The following PARM1 variants were observed in gnomAD, a reference collection of about 807,000 sequenced individuals.
The protein encoded by PARM1 is prostate androgen-regulated mucin-like protein 1.
A neutral mutation model predicts 24.6 loss-of-function variants in PARM1; 14 were observed. The observed-to-expected ratio is 0.57, with a 90% CI of 0.38 to 0.89. The LOEUF is 0.89. Among genes scored for constraint, PARM1 ranks in the 40% least tolerant of loss-of-function variants. The pLI is 0.00. For missense variants in PARM1, 362 were observed against 380.4 expected, an observed-to-expected ratio of 0.95 and a Z score of 0.40; for synonymous variants, 179 against 156.6, an observed-to-expected ratio of 1.14 and a Z score of -1.07.
chr4:74,969,988 T>C (rs1173860538), intron 1 of PARM1: 1 of 152,214 alleles, frequency 6.6e-6, no homozygotes, highest in Non-Finnish European at 1.5e-5. Context: ...ATTGTCTAAG[T>C]CACTGGCAGA....
In PARM1 at chr4:75,033,903, G is replaced by A. The variant is rs34923973; in HGVS notation, c.790G>A (p.Val264Met). ...CACAGGCAGCATCGCCGCCATTACCGTGACAGTCATTGCCGTGGTGCTGCT... is the reference window on the plus strand; with the variant it reads ...CACAGGCAGCATCGCCGCCATTACCATGACAGTCATTGCCGTGGTGCTGCT... ...LSSGSIAAIT[V>M]TVIAVVLLVF... The change falls in exon 3 of 4, where the codon GTG becomes ATG. Residue 264 changes from valine (V) to methionine (M), a missense_variant. Coordinates refer to ENST00000307428, the MANE Select transcript of PARM1 (RefSeq NM_015393.4). The A allele has an allele frequency of 7.5e-6, 12 of 1,603,486 alleles. No individual in the cohort carries two copies. Among genetic ancestry groups the A allele is most frequent in the East Asian group, 4.5e-5 (2 of 44,594 alleles).
In PARM1 at chr4:75,024,979, G is replaced by A. The variant is rs964358516; in HGVS notation, c.770-8904G>A. ...CAAAGTGCCGGGATTACAGGCGTAA[G>A]CCACTGTTCCCAGCCCCTTTAGTAG... On this transcript the variant is annotated intron_variant, in intron 2 of 3. Transcript: ENST00000307428. 7.2e-4 allele frequency among the ~76,000 whole-genome samples: 110 copies of A among 152,228 alleles called. 2 individuals are homozygous for A. The highest frequency in any genetic ancestry group is 3.9e-4 in the Admixed American group (6 of 15,286).
chr4:75,022,945 C>T (rs1723116092), intron 2 of PARM1, among the ~76,000 whole-genome samples: 1 of 152,042 alleles, frequency 6.6e-6, no homozygotes, highest in South Asian at 2.1e-4. Flanking sequence ...TGCTTTGTTC[C>T]CCCTCAGGTC....
intron 1 of PARM1, among the ~76,000 whole-genome samples, chr4:74,936,468 T>G (rs1390901818): frequency 6.6e-6 from 1 of 150,916 alleles, no homozygotes; most frequent in Non-Finnish European, 1.5e-5. Context: ...TTTGTTTTTT[T>G]TTTGAGATGG....
chr4:74,977,142 T>G (rs1367677789), intron 1 of PARM1, among the ~76,000 whole-genome samples: 1 of 152,156 alleles, frequency 6.6e-6, no homozygotes, highest in African/African-American at 2.4e-5. Context: ...CTTCAGAAGG[T>G]GGGTAATAAC....
At chr4:74,937,033 T>TC (rs1243213636) in intron 1 of PARM1, among the ~76,000 whole-genome samples, 1 of 152,154 alleles carries the variant, frequency 6.6e-6, no homozygotes, top group Non-Finnish European at 1.5e-5. Flanking sequence ...AGAGCTAGAT[T>TC]CCCAGTCTGC....
chr4:75,025,302 T>C (rs1011607683), intron 2 of PARM1, among the ~76,000 whole-genome samples: 29 of 152,328 alleles, frequency 1.9e-4, no homozygotes, highest in African/African-American at 6.0e-4. Context: ...AGGGGATTGA[T>C]CCCAGACACT....
In PARM1 at chr4:75,012,711, G is replaced by A. The variant is rs200853676; in HGVS notation, c.330G>A (p.Ser110=). The change falls in exon 2 of 4, where the codon TCG becomes TCA. Residue 110 remains serine, a synonymous_variant. Coordinates refer to ENST00000307428, the MANE Select transcript of PARM1 (RefSeq NM_015393.4). ...TNTDPSPSGF[S]STSGGVHLTT... ...CAGACCCCTCACCTTCTGGGTTCTC[G>A]TCAACAAGCGGTGGAGTCCACTTAA... 2.2e-4 allele frequency: 357 copies of A among 1,613,938 alleles called. 3 individuals are homozygous for A. The African/African-American group carries it at 4.3e-3, about 19-fold the overall frequency.
intron 1 of PARM1, among the ~76,000 whole-genome samples, chr4:74,989,265 A>T (rs1352489984): frequency 2.6e-5 from 4 of 152,122 alleles, no homozygotes; most frequent in Admixed American, 2.0e-4. Context: ...GACTGCCCCT[A>T]CTTCAGACAG....
At chr4:74,942,502 G>T (rs1457480563) in intron 1 of PARM1, among the ~76,000 whole-genome samples, 1 of 152,180 alleles carries the variant, frequency 6.6e-6, no homozygotes, top group African/African-American at 2.4e-5. Flanking sequence ...TTCCCCTAGG[G>T]GGCTTATCTA....
intron 1 of PARM1, among the ~76,000 whole-genome samples, chr4:74,983,310 TAACTC>T (rs1420907484): frequency 2.6e-5 from 4 of 152,316 alleles, no homozygotes; most frequent in Admixed American, 2.0e-4. Flanking sequence ...TCTGAAATCT[TAACTC>T]ATAACTATTT....
intron 2 of PARM1, among the ~76,000 whole-genome samples, chr4:75,014,106 C>T (rs939857744): frequency 3.9e-5 from 6 of 152,156 alleles, no homozygotes; most frequent in African/African-American, 1.4e-4. Flanking sequence ...AGACAGAACC[C>T]TGCATGGTCA....
intron 2 of PARM1, among the ~76,000 whole-genome samples, chr4:75,022,305 G>A (rs1723102395): frequency 6.6e-6 from 1 of 152,202 alleles, no homozygotes; most frequent in East Asian, 1.9e-4. Flanking sequence ...CTCATAAGGG[G>A]CTCCAGCTGT....
intron 1 of PARM1, among the ~76,000 whole-genome samples, chr4:74,979,597 C>T (rs1280746900): frequency 1.3e-5 from 2 of 152,114 alleles, no homozygotes; most frequent in Non-Finnish European, 2.9e-5. Flanking sequence ...GGGACTTCTC[C>T]CTAACTCATT....
intron 1 of PARM1, among the ~76,000 whole-genome samples, chr4:74,995,954 A>C (rs1722569530): frequency 6.6e-6 from 1 of 152,046 alleles, no homozygotes; most frequent in South Asian, 2.1e-4. Context: ...CTTGTCTCTC[A>C]TCCCTCTCCA....
At chr4:74,994,987 C>G (rs1481942318) in intron 1 of PARM1, among the ~76,000 whole-genome samples, 1 of 151,998 alleles carries the variant, frequency 6.6e-6, no homozygotes, top group Non-Finnish European at 1.5e-5. Context: ...CAAAACAGCT[C>G]TCATAAATGT....
At chr4:75,039,328 G>A (rs994693199) in intron 3 of PARM1, among the ~76,000 whole-genome samples, 10 of 151,950 alleles carry the variant, frequency 6.6e-5, no homozygotes, top group East Asian at 1.9e-4. Flanking sequence ...TCAGGAGATC[G>A]AGGCCATCCT....
intron 1 of PARM1, among the ~76,000 whole-genome samples, chr4:74,945,084 G>A (rs1271657533): frequency 6.6e-6 from 1 of 152,154 alleles, no homozygotes; most frequent in East Asian, 1.9e-4. Context: ...AATGGTCCAT[G>A]ATGTACTGAC....
intron 1 of PARM1, among the ~76,000 whole-genome samples, chr4:74,936,457 T>TTTG: frequency 1.6e-5 from 1 of 61,418 alleles, no homozygotes; most frequent in South Asian, 4.2e-4. Context: ...TTGTTTGTTT[T>TTTG]TTTGTTTTTT....
Sources: gnomAD v4.1 joint callset for allele counts (sites outside exome capture counted in the v4.1 genomes callset) on GRCh38, gnomAD v4.1.1 for gene constraint, MANE v1.5 for transcripts, NCBI Gene and HGNC (gene_info 2026-07-23, HGNC 2026-07-21) for gene names.